Variants in RIT2 observed in about 807,000 individuals in gnomAD.
RIT2 encodes the protein Ras like without CAAX 2, also known as GTP-binding protein Rit2.
Under a neutral mutation model 23.7 loss-of-function variants are expected in RIT2, and 24 were observed. The observed-to-expected ratio is 1.01, with a 90% CI of 0.73 to 1.43. The LOEUF (loss-of-function observed/expected upper bound fraction) is 1.43. RIT2 is among the 40% of genes most tolerant of loss of function. The pLI, the probability that RIT2 is intolerant of heterozygous loss-of-function variation, is 0.00. For synonymous variants in RIT2, 107 were observed against 91.1 expected (o/e 1.17, Z -0.99); for missense variants, 236 against 266.9 (o/e 0.88, Z 0.81).
intron 3 of RIT2, among the ~76,000 whole-genome samples, chr18:42,972,740 A>T (rs964456339): frequency 1.3e-5 from 2 of 151,794 alleles, no homozygotes; most frequent in Non-Finnish European, 3.0e-5. Flanking sequence ...CAAATAATCA[A>T]TCTTTTACAG....
intron 2 of RIT2, among the ~76,000 whole-genome samples, chr18:42,994,003 G>A (rs375669309): frequency 1.4e-5 from 2 of 143,790 alleles, no homozygotes; most frequent in African/African-American, 5.2e-5. Flanking sequence ...AGCCTTACAG[G>A]TTAGTTCAGG....
rs187515808 is a variant in RIT2, at chr18:42,775,449, C to T, written c.427-31729G>A. 2.2e-4 allele frequency among the ~76,000 whole-genome samples: 34 copies of T among 152,180 alleles called. 1 individual carries two copies. The highest frequency in any genetic ancestry group is 3.9e-4 in the Admixed American group (6 of 15,288). On this transcript the variant is annotated intron_variant, in intron 4 of 4. Coordinates refer to ENST00000326695, the MANE Select transcript of RIT2 (RefSeq NM_002930.4). ...TGGTGGCTGAAGTCTGTAATCCCAGCACTTTGGGAGGCCGAGGCAGGCGGA... is the reference window on the plus strand; with the variant it reads ...TGGTGGCTGAAGTCTGTAATCCCAGTACTTTGGGAGGCCGAGGCAGGCGGA...
chr18:42,752,805 G>A (rs933073795), intron 4 of RIT2, among the ~76,000 whole-genome samples: 1 of 152,134 alleles, frequency 6.6e-6, no homozygotes, highest in Admixed American at 6.6e-5. Flanking sequence ...GGGGTAAGAA[G>A]CAATTGATGC....
At chr18:42,960,680 T>C (rs984705542) in intron 3 of RIT2, among the ~76,000 whole-genome samples, 3 of 152,176 alleles carry the variant, frequency 2.0e-5, no homozygotes, top group Non-Finnish European at 4.4e-5. Context: ...AAGTCAACAA[T>C]ATTTATAAGC....
chr18:43,034,190 C>G (rs1273744909), intron 1 of RIT2, among the ~76,000 whole-genome samples: 1 of 152,106 alleles, frequency 6.6e-6, no homozygotes, highest in Non-Finnish European at 1.5e-5. Flanking sequence ...TTGACCTTCT[C>G]TGGTTGAACA....
At chr18:42,802,062 C>G (rs1319633685) in intron 4 of RIT2, among the ~76,000 whole-genome samples, 1 of 151,972 alleles carries the variant, frequency 6.6e-6, no homozygotes, top group Admixed American at 6.6e-5. Flanking sequence ...GGCATGAAAA[C>G]AATGCAAGAA....
intron 2 of RIT2, among the ~76,000 whole-genome samples, chr18:43,001,241 T>C (rs1312807597): frequency 1.3e-5 from 2 of 151,952 alleles, no homozygotes; most frequent in African/African-American, 4.8e-5. Flanking sequence ...ATGTTCAGCC[T>C]AGAGAGGGGA....
chr18:42,767,787 C>A (rs1173819601), intron 4 of RIT2, among the ~76,000 whole-genome samples: 1 of 152,136 alleles, frequency 6.6e-6, no homozygotes, highest in Non-Finnish European at 1.5e-5. Flanking sequence ...GAAAGTCAGT[C>A]TTTCCCGTGC....
rs577967200 is a variant in RIT2 at position 42,928,497 on chromosome 18, G to C, written c.235-4734C>G. 2.0e-5 allele frequency among the ~76,000 whole-genome samples: 3 copies of C among 152,144 alleles called. No individual in the cohort carries two copies. In the East Asian group the frequency reaches 5.8e-4, roughly 29 times the overall value. The stretch of plus-strand genomic sequence containing the variant: ...ATAGTACAAATTCATCATTTGCATA[G>C]TAGTTAATCATCTAAGACCTGCTTA... On this transcript the variant is annotated intron_variant, in intron 3 of 4. Coordinates refer to ENST00000326695, the MANE Select transcript of RIT2 (RefSeq NM_002930.4).
At chr18:42,745,429 G>A (rs1598637465) in intron 4 of RIT2, among the ~76,000 whole-genome samples, 1 of 152,246 alleles carries the variant, frequency 6.6e-6, no homozygotes, top group Admixed American at 6.5e-5. Flanking sequence ...AAGTCTATCT[G>A]ATCCCAAAGA....
In RIT2 at chr18:43,074,466, T is replaced by C. The variant is rs535686644; in HGVS notation, c.104-40599A>G. Among the ~76,000 whole-genome samples, 3 of 152,352 alleles carry C rather than the reference T, an allele frequency of 2.0e-5. No homozygotes were observed. In the East Asian group the frequency reaches 5.8e-4, roughly 29 times the overall value. On this transcript the variant is annotated intron_variant, in intron 1 of 4. Coordinates refer to ENST00000326695, the MANE Select transcript of RIT2 (RefSeq NM_002930.4). ...TTTATGTTATATAAAATTCCGACTATGTTCAAAGTTCCCCAATGAGTCCTG... is the reference window on the plus strand; with the variant it reads ...TTTATGTTATATAAAATTCCGACTACGTTCAAAGTTCCCCAATGAGTCCTG...
intron 1 of RIT2, among the ~76,000 whole-genome samples, chr18:43,046,876 T>C (rs1912261168): frequency 1.3e-5 from 2 of 152,172 alleles, no homozygotes; most frequent in Admixed American, 1.3e-4. Flanking sequence ...TTTTAATTTA[T>C]AGTATGGTAG....
At chr18:43,100,518 T>A (rs760347789) in intron 1 of RIT2, among the ~76,000 whole-genome samples, 1 of 152,136 alleles carries the variant, frequency 6.6e-6, no homozygotes, top group African/African-American at 2.4e-5. Flanking sequence ...CTCTAGCTGC[T>A]GTGTTAATAA....
chr18:42,898,433 T>C (rs1241377810), intron 4 of RIT2, among the ~76,000 whole-genome samples: 1 of 152,108 alleles, frequency 6.6e-6, no homozygotes, highest in Non-Finnish European at 1.5e-5. Flanking sequence ...TGGGCAATTG[T>C]ATAGTCTTCT....
At chr18:43,095,264 T>C (rs760520493) in intron 1 of RIT2, among the ~76,000 whole-genome samples, 1 of 152,140 alleles carries the variant, frequency 6.6e-6, no homozygotes, top group Non-Finnish European at 1.5e-5. Context: ...CTAATTGGCG[T>C]GAGATGTTAT....
At chr18:42,900,778 T>C (rs1417510549) in intron 4 of RIT2, among the ~76,000 whole-genome samples, 1 of 152,060 alleles carries the variant, frequency 6.6e-6, no homozygotes, top group African/African-American at 2.4e-5. Flanking sequence ...AACTTAGATG[T>C]TTGTGAAAGG....
intron 4 of RIT2, among the ~76,000 whole-genome samples, chr18:42,846,808 C>A (rs1456918664): frequency 6.6e-6 from 1 of 152,000 alleles, no homozygotes; most frequent in Non-Finnish European, 1.5e-5. Context: ...TATAAAAATT[C>A]CAGAGCAAAC....
intron 4 of RIT2, among the ~76,000 whole-genome samples, chr18:42,769,884 T>C (rs1057328280): frequency 3.4e-5 from 5 of 146,136 alleles, no homozygotes; most frequent in Non-Finnish European, 6.1e-5. Flanking sequence ...ATAATAAAGA[T>C]ATACCACCAT....
chr18:43,109,462 C>T (rs1192573038), intron 1 of RIT2, among the ~76,000 whole-genome samples: 2 of 152,262 alleles, frequency 1.3e-5, no homozygotes, highest in South Asian at 2.1e-4. Context: ...GCCTTCAGAT[C>T]CCTTTGTGCC....
Sources: allele counts gnomAD v4.1 joint callset (sites outside exome capture counted in the v4.1 genomes callset), GRCh38; gene constraint gnomAD v4.1.1; transcripts MANE v1.5; gene names NCBI Gene and HGNC (gene_info 2026-07-23, HGNC 2026-07-21).